BLTP1: variants seen among roughly 807,000 people sequenced by gnomAD.
BLTP1 encodes bridge-like lipid transfer protein family member 1.
the BLTP1 span, among the ~76,000 whole-genome samples, chr4:122,252,478 C>T: frequency 1.3e-5 from 2 of 152,076 alleles, no homozygotes; most frequent in Non-Finnish European, 2.9e-5. Flanking sequence ...ACAGAACAGC[C>T]CTTGGGCCTT....
At chr4:122,353,727 C>A in the BLTP1 span, 1 of 1,434,410 alleles carries the variant, frequency 7.0e-7, no homozygotes, top group South Asian at 1.5e-5. This position sits in a 1 kb window ranked among gnomAD's most constrained non-coding sequence, Gnocchi z 4.3. Flanking sequence ...TATATGACAA[C>A]TGAATTTATA....
At chr4:122,328,260 C>G in the BLTP1 span, 1 of 1,610,872 alleles carries the variant, frequency 6.2e-7, no homozygotes, top group Non-Finnish European at 8.5e-7. Context: ...AGAGGGCCGA[C>G]GGGATGACAG....
chr4:122,228,903 G>C, the BLTP1 span, among the ~76,000 whole-genome samples: 1 of 151,920 alleles, frequency 6.6e-6, no homozygotes, highest in Non-Finnish European at 1.5e-5. Flanking sequence ...GAATGAAAAT[G>C]GTGCATGCTT....
At chr4:122,333,752 G>A in the BLTP1 span, 4 of 1,611,882 alleles carry the variant, frequency 2.5e-6, no homozygotes, top group East Asian at 4.5e-5. Flanking sequence ...CATCTCTACA[G>A]ACAAAGCCTA....
At chr4:122,343,864 T>TC in the BLTP1 span, 28 of 726,636 alleles carry the variant, frequency 3.9e-5, no homozygotes, top group Non-Finnish European at 4.4e-5. Flanking sequence ...TCTCTGGATA[T>TC]CAGAGATTAC....
At chr4:122,272,496 C>T in the BLTP1 span, 1 of 1,157,656 alleles carries the variant, frequency 8.6e-7, no homozygotes, top group Non-Finnish European at 1.2e-6. Context: ...TCCAAAATTC[C>T]TAATTGGCAA....
the BLTP1 span, chr4:122,263,101 T>C: frequency 7.3e-7 from 1 of 1,375,948 alleles, no homozygotes; most frequent in Non-Finnish European, 9.6e-7. Flanking sequence ...TCATACCTTA[T>C]CTTTGAGAAA....
the BLTP1 span, among the ~76,000 whole-genome samples, chr4:122,301,882 C>A: frequency 6.6e-6 from 1 of 151,892 alleles, no homozygotes; most frequent in Non-Finnish European, 1.5e-5. Flanking sequence ...GGCAACATAG[C>A]GAGACTTTGT....
chr4:122,191,055 C>T, the BLTP1 span, among the ~76,000 whole-genome samples: 95 of 152,200 alleles, frequency 6.2e-4, no homozygotes, highest in African/African-American at 2.2e-3. Flanking sequence ...CACACATTTA[C>T]GGTAAAACAA....
chr4:122,355,292 A>T, the BLTP1 span, among the ~76,000 whole-genome samples: 1 of 152,078 alleles, frequency 6.6e-6, no homozygotes, highest in Non-Finnish European at 1.5e-5. Context: ...ATCATAGCAC[A>T]TATGTTGGGG....
the BLTP1 span, chr4:122,351,213 CTT>C: frequency 2.5e-6 from 2 of 807,356 alleles, no homozygotes; most frequent in African/African-American, 3.7e-5. Flanking sequence ...TTTTTAATAA[CTT>C]TATTATCACA....
At chr4:122,185,318 A>G in the BLTP1 span, 1 of 983,346 alleles carries the variant, frequency 1.0e-6, no homozygotes, top group East Asian at 1.1e-4. Context: ...AGGTTATAAA[A>G]AAGAGGTCTC....
chr4:122,318,001 T>C, the BLTP1 span: 7 of 740,998 alleles, frequency 9.4e-6, no homozygotes, highest in Non-Finnish European at 1.2e-5. Flanking sequence ...GTTCGCCAAA[T>C]ATGAGTGTTA....
the BLTP1 span, chr4:122,195,660 A>T: frequency 2.8e-5 from 22 of 796,928 alleles, no homozygotes; most frequent in African/African-American, 3.7e-4. Context: ...ATGTCCTCCT[A>T]TCTACCCACC....
At chr4:122,190,111 T>A in the BLTP1 span, 65 of 1,611,478 alleles carry the variant, frequency 4.0e-5, no homozygotes, top group Middle Eastern at 9.9e-4. Flanking sequence ...CTGTTTTTTT[T>A]AAAGTGACAG....
chr4:122,221,177 G>A, the BLTP1 span: 2 of 303,630 alleles, frequency 6.6e-6, no homozygotes, highest in Non-Finnish European at 9.7e-6. Flanking sequence ...AATCATCAAT[G>A]AATGATCATT....
chr4:122,285,747 G>A, the BLTP1 span, among the ~76,000 whole-genome samples: 1 of 152,188 alleles, frequency 6.6e-6, no homozygotes, highest in Non-Finnish European at 1.5e-5. Context: ...GTAATGTGCA[G>A]AAGAATATCA....
the BLTP1 span, chr4:122,336,814 T>A: frequency 1.3e-6 from 2 of 1,487,496 alleles, no homozygotes; most frequent in African/African-American, 2.9e-5. Context: ...GTATAAACAA[T>A]AAGGATCTTT....
chr4:122,359,583 A>G, the BLTP1 span: 1 of 1,611,094 alleles, frequency 6.2e-7, no homozygotes, highest in Non-Finnish European at 8.5e-7. Context: ...GATTTTATCT[A>G]CTCGACCAGG....
Sources: allele counts gnomAD v4.1 joint callset (sites outside exome capture counted in the v4.1 genomes callset), GRCh38; gene constraint gnomAD v4.1.1; non-coding constraint Gnocchi (gnomAD v3.1); transcripts MANE v1.5; gene names NCBI Gene and HGNC (gene_info 2026-07-23, HGNC 2026-07-21).